KIAA0825: variants seen among roughly 807,000 people sequenced by gnomAD.
KIAA0825 encodes KIAA0825.
KIAA0825 carries 119 observed loss-of-function variants against 147.6 expected under a neutral mutation model. The observed-to-expected ratio is 0.81, with a 90% CI of 0.69 to 0.94. The LOEUF (loss-of-function observed/expected upper bound fraction) is 0.94. Among genes scored for constraint, KIAA0825 ranks in the 40% least tolerant of loss-of-function variants. KIAA0825 has a pLI of 0.00. For synonymous variants in KIAA0825, 470 were observed against 518.1 expected (o/e 0.91, Z 1.26); for missense variants, 1,381 against 1,472.7 (o/e 0.94, Z 1.02).
chr5:94,510,928 CCT>C (rs1486926515), intron 5 of KIAA0825, among the ~76,000 whole-genome samples: 2 of 152,052 alleles, frequency 1.3e-5, no homozygotes. Flanking sequence ...ACAGATTTCC[CCT>C]GTTGTGGACT....
chr5:94,367,044 A>G (rs62364580), intron 20 of KIAA0825, among the ~76,000 whole-genome samples: 2,335 of 152,376 alleles, frequency 0.015, 23 homozygotes, highest in Middle Eastern at 0.027. Flanking sequence ...TAAATAAGGA[A>G]GAGGAACAGG....
chr5:94,306,878 A>G (rs189465438), intron 20 of KIAA0825, among the ~76,000 whole-genome samples: 2 of 151,960 alleles, frequency 1.3e-5, no homozygotes, highest in Admixed American at 1.3e-4. Flanking sequence ...TCATTTTCAA[A>G]TCATTCAAAT....
intron 20 of KIAA0825, among the ~76,000 whole-genome samples, chr5:94,374,087 T>G (rs1270739153): frequency 5.3e-5 from 8 of 152,154 alleles, no homozygotes; most frequent in Admixed American, 3.3e-4. Context: ...GAATAGTCAT[T>G]GAAAAAAAGA....
intron 12 of KIAA0825, among the ~76,000 whole-genome samples, chr5:94,457,509 T>G (rs1759260916): frequency 6.6e-6 from 1 of 152,230 alleles, no homozygotes; most frequent in South Asian, 2.1e-4. Flanking sequence ...GCCTTTGTCC[T>G]TCCTCCAGCC....
intron 20 of KIAA0825, among the ~76,000 whole-genome samples, chr5:94,299,570 A>G (rs1405562071): frequency 1.3e-5 from 2 of 152,138 alleles, no homozygotes; most frequent in African/African-American, 4.8e-5. Flanking sequence ...TCAGGTTAAC[A>G]TATAGCATTA....
At chr5:94,410,506 GA>G (rs1446417217) in intron 15 of KIAA0825, among the ~76,000 whole-genome samples, 2 of 151,834 alleles carry the variant, frequency 1.3e-5, no homozygotes, top group Admixed American at 1.3e-4. Flanking sequence ...ACCCTAGGCA[GA>G]AAAAAATACA....
At chr5:94,453,483 G>A (rs572768308) in intron 12 of KIAA0825, among the ~76,000 whole-genome samples, 23 of 151,990 alleles carry the variant, frequency 1.5e-4, no homozygotes, top group African/African-American at 4.6e-4. Flanking sequence ...CACTGTGCCC[G>A]GCTCAGTTAA....
chr5:94,613,729 GT>G (rs762174602), intron 1 of KIAA0825, among the ~76,000 whole-genome samples: 19 of 152,202 alleles, frequency 1.2e-4, no homozygotes, highest in Non-Finnish European at 2.4e-4. Flanking sequence ...AGTAGCATCA[GT>G]TACACAGTGT....
chr5:94,388,634 T>C (rs911650690), intron 18 of KIAA0825, among the ~76,000 whole-genome samples: 1 of 152,238 alleles, frequency 6.6e-6, no homozygotes, highest in African/African-American at 2.4e-5. Flanking sequence ...ATTTTGACTG[T>C]TTCCACTATT....
chr5:94,442,287 C>T (rs1171154937), intron 13 of KIAA0825, among the ~76,000 whole-genome samples: 2 of 152,156 alleles, frequency 1.3e-5, no homozygotes, highest in Non-Finnish European at 2.9e-5. Flanking sequence ...GTGTTTCAAC[C>T]TTGGGCCAAC....
At chr5:94,216,907 T>C (rs1244310856) in intron 20 of KIAA0825, among the ~76,000 whole-genome samples, 2 of 152,204 alleles carry the variant, frequency 1.3e-5, no homozygotes, top group African/African-American at 2.4e-5. Context: ...CATGAATCTA[T>C]GTTAATTAAA....
intron 20 of KIAA0825, among the ~76,000 whole-genome samples, chr5:94,202,384 G>A (rs940402253): frequency 2.6e-5 from 4 of 152,214 alleles, no homozygotes; most frequent in African/African-American, 9.6e-5. Flanking sequence ...ATGCGTCTCT[G>A]TGTACTGTTT....
intron 14 of KIAA0825, among the ~76,000 whole-genome samples, chr5:94,435,101 G>GA (rs201251021): frequency 0.015 from 2,237 of 150,922 alleles, 27 homozygotes; most frequent in Middle Eastern, 0.031. Context: ...TCAATTAGAT[G>GA]AAAAAAAACC....
chr5:94,378,464 T>G (rs1031581534), intron 20 of KIAA0825, among the ~76,000 whole-genome samples: 1 of 152,232 alleles, frequency 6.6e-6, no homozygotes, highest in Admixed American at 6.5e-5. Flanking sequence ...TGTAGTATTC[T>G]GTAGTGTATA....
intron 20 of KIAA0825, among the ~76,000 whole-genome samples, chr5:94,311,707 G>A (rs1056973780): frequency 1.3e-5 from 2 of 151,450 alleles, no homozygotes; most frequent in South Asian, 2.1e-4. Context: ...CTATTCACAC[G>A]AAAAGAAAAA....
At chr5:94,336,907 A>G (rs1017918384) in intron 20 of KIAA0825, among the ~76,000 whole-genome samples, 2 of 152,160 alleles carry the variant, frequency 1.3e-5, no homozygotes, top group Non-Finnish European at 2.9e-5. Context: ...TTCAAGCAAA[A>G]ATGGAACATT....
chr5:94,383,971 T>A (rs1748796447), intron 20 of KIAA0825, among the ~76,000 whole-genome samples: 2 of 152,126 alleles, frequency 1.3e-5, no homozygotes, highest in South Asian at 4.1e-4. Context: ...TTTATACGCA[T>A]TCATTAAGTT....
At chr5:94,357,320 G>A (rs1167431555) in intron 20 of KIAA0825, among the ~76,000 whole-genome samples, 1 of 151,968 alleles carries the variant, frequency 6.6e-6, no homozygotes, top group African/African-American at 2.4e-5. Flanking sequence ...ATGTAGTGCA[G>A]GAGAAAAGGT....
rs186673018 is a variant in KIAA0825, at chr5:94,445,987, T to C, written c.2358-5866A>G. ...TCTTTTCCTCAGTCCCGCAGAGCAG[T>C]TTTTCAGCAGCAGTTGGGAGACCAA... On this transcript the variant is annotated intron_variant, in intron 13 of 20. Coordinates refer to ENST00000682413, the MANE Select transcript of KIAA0825 (RefSeq NM_001145678.3). Among the ~76,000 whole-genome samples, 255 of 152,196 alleles carry C rather than the reference T, an allele frequency of 1.7e-3. 4 individuals carry two copies. Among genetic ancestry groups the C allele is most frequent in the African/African-American group, 5.8e-3 (242 of 41,536 alleles).
Sources: allele counts gnomAD v4.1 joint callset (sites outside exome capture counted in the v4.1 genomes callset), GRCh38; gene constraint gnomAD v4.1.1; transcripts MANE v1.5; gene names NCBI Gene and HGNC (gene_info 2026-07-23, HGNC 2026-07-21).